The following SUSD4 variants were observed in gnomAD, a reference collection of about 807,000 sequenced individuals.
SUSD4 encodes the protein sushi domain containing 4, also known as sushi domain-containing protein 4.
A neutral mutation model predicts 50.5 loss-of-function variants in SUSD4; 41 were observed. The ratio of observed to expected loss-of-function variants is 0.81; its 90% CI spans 0.63 to 1.05. SUSD4 has a LOEUF of 1.05. Ranked by LOEUF, SUSD4 falls within the 50% of genes least tolerant of loss-of-function variation. The pLI is 0.00. For missense variants in SUSD4, 580 were observed against 634.7 expected (o/e 0.91, Z 0.93); for synonymous variants, 257 against 257.3 (o/e 1.00, Z 0.01).
At chr1:223,253,434 G>C (rs1014407852) in intron 5 of SUSD4, among the ~76,000 whole-genome samples, 1 of 152,034 alleles carries the variant, frequency 6.6e-6, no homozygotes, top group African/African-American at 2.4e-5. Context: ...GGAATAGAAA[G>C]GTATGACTAT....
In SUSD4 at chr1:223,221,383, AT is replaced by A. The variant is rs561688628; in HGVS notation, c.*808del. ...AAACATTACCTTGGTTACTGTCTCC[AT>A]CATGAGATGTATTTGAACACATTCT... On this transcript the variant is annotated 3_prime_UTR_variant, in exon 9 of 9. Coordinates refer to ENST00000366878, the MANE Select transcript of SUSD4 (RefSeq NM_017982.4). 52 of 314,300 alleles carry A rather than the reference AT, an allele frequency of 1.7e-4. 1 individual carries two copies. The South Asian group carries it at 3.8e-3, about 23-fold the overall frequency. The allele number at this position is 314,300 out of a possible 1,614,324, so 19.5% of individuals were successfully genotyped here.
intron 7 of SUSD4, among the ~76,000 whole-genome samples, chr1:223,225,378 CT>C (rs1659448644): frequency 6.6e-6 from 1 of 152,122 alleles, no homozygotes; most frequent in Non-Finnish European, 1.5e-5. Flanking sequence ...AGTCCACTGA[CT>C]TTTTGAAACA....
intron 2 of SUSD4, among the ~76,000 whole-genome samples, chr1:223,314,683 T>C (rs190281773): frequency 1.3e-5 from 2 of 152,270 alleles, no homozygotes; most frequent in East Asian, 3.9e-4. Context: ...CGAGATCTGA[T>C]GGTTTATAAG....
chr1:223,313,535 C>G (rs1666003300), intron 2 of SUSD4, among the ~76,000 whole-genome samples: 1 of 151,968 alleles, frequency 6.6e-6, no homozygotes, highest in South Asian at 2.1e-4. Context: ...ATTATGAAAC[C>G]TGAGGGGGTA....
chr1:223,255,644 T>C (rs936119301), intron 5 of SUSD4, among the ~76,000 whole-genome samples: 1 of 152,082 alleles, frequency 6.6e-6, no homozygotes, highest in Admixed American at 6.5e-5. Context: ...TTACCTAACC[T>C]TGTATTAGCT....
At chr1:223,284,476 C>G (rs1185389003) in intron 3 of SUSD4, among the ~76,000 whole-genome samples, 1 of 152,316 alleles carries the variant, frequency 6.6e-6, no homozygotes, top group Non-Finnish European at 1.5e-5. Context: ...GCTTCACTTT[C>G]TCATCTGTAA....
chr1:223,292,344 A>G, intron 3 of SUSD4, 95 bp downstream of exon 3: 2 of 1,347,692 alleles, frequency 1.5e-6, no homozygotes, highest in Non-Finnish European at 2.1e-6. Flanking sequence ...CAGAGAGAAG[A>G]GCCCAGGGTA....
Position 223,227,603 on chromosome 1 carries a change from A to T in SUSD4, c.1052T>A (p.Phe351Tyr), listed in dbSNP as rs1218596870. Residue 351 changes from phenylalanine (F) to tyrosine (Y), a missense_variant, in exon 7 of 9, where the codon TTT becomes TAT. By Grantham distance (22) the Phe-to-Tyr change is conservative (BLOSUM62 3). Transcript: ENST00000366878. This position sits in a 1 kb window ranked among gnomAD's most constrained non-coding sequence, Gnocchi z 4.5. ...AAGACATGACACTGACCTGGGGGGAAAGTGGGCCTTGAACTTGGTCTGGAA... is the reference window on the plus strand; with the variant it reads ...AAGACATGACACTGACCTGGGGGGATAGTGGGCCTTGAACTTGGTCTGGAA... ...RMFQTKFKAH[F>Y]PPRGPPRSSS... 6.2e-7 allele frequency: 1 copy of T among 1,613,742 alleles called. No homozygotes were observed. The highest frequency in any genetic ancestry group is 1.3e-5 in the African/African-American group (1 of 75,024).
In SUSD4 at chr1:223,340,080, G is replaced by A. The variant is rs10494038; in HGVS notation, c.148+23198C>T. On this transcript the variant is annotated intron_variant, in intron 2 of 8. Coordinates refer to ENST00000366878, the MANE Select transcript of SUSD4 (RefSeq NM_017982.4). ...AGCCCTGGAAGCAGCTGCTCCAATC[G>A]CATTCCCTGACAAAGACCACACGCA... Among the ~76,000 whole-genome samples, 1,105 of 152,280 alleles carry A rather than the reference G, an allele frequency of 7.3e-3. 35 individuals are homozygous for A. The East Asian group carries it at 0.11, about 15-fold the overall frequency.
At chr1:223,264,242 G>A (rs1051804445) in intron 5 of SUSD4, 4 of 985,288 alleles carry the variant, frequency 4.1e-6, no homozygotes, top group South Asian at 4.7e-5. Flanking sequence ...AAAGTGCATG[G>A]AAATATGGAG....
chr1:223,226,040 A>T (rs1659496692), intron 7 of SUSD4, among the ~76,000 whole-genome samples: 1 of 152,242 alleles, frequency 6.6e-6, no homozygotes, highest in South Asian at 2.1e-4. Flanking sequence ...AGAACATTTT[A>T]AAAACATCTT....
rs775007890 is a variant in SUSD4, at chr1:223,223,364, C to A, written c.1329G>T (p.Leu443=). The change falls in exon 8 of 9, where the codon CTG becomes CTT. Residue 443 remains leucine (L), a synonymous_variant. Coordinates refer to ENST00000366878, the MANE Select transcript of SUSD4 (RefSeq NM_017982.4). ...VSGSSELLQS[L]YSPPRCQEST... ...TCTCTTGGCACCTGGGAGGTGAATA[C>A]AGACTTTGGAGCAGCTCAGAAGAGC... 1 of 1,613,538 alleles carries A rather than the reference C, an allele frequency of 6.2e-7. No homozygotes were observed.
intron 2 of SUSD4, among the ~76,000 whole-genome samples, chr1:223,338,187 C>T (rs948355651): frequency 6.6e-6 from 1 of 152,292 alleles, no homozygotes; most frequent in East Asian, 1.9e-4. Context: ...AATTAACCAT[C>T]GCTTCATAAA....
chr1:223,364,562 G>T (rs1380000091), upstream of SUSD4, among the ~76,000 whole-genome samples: 3 of 150,368 alleles, frequency 2.0e-5, no homozygotes, highest in Non-Finnish European at 4.5e-5. The surrounding 1 kb of genome is among the most constrained non-coding windows in gnomAD (Gnocchi z 4.5). Context: ...TCTTGCACAC[G>T]CACGCAGCTC....
chr1:223,303,612 G>T (rs1164519259), intron 2 of SUSD4, among the ~76,000 whole-genome samples: 1 of 152,160 alleles, frequency 6.6e-6, no homozygotes, highest in Non-Finnish European at 1.5e-5. Flanking sequence ...GGATCGGCAG[G>T]TCGAGAAATA....
rs527872518 is a variant in SUSD4, at chr1:223,235,749, A to G, written c.725-6361T>C. Among the ~76,000 whole-genome samples, 3 of 152,240 alleles carry G rather than the reference A, an allele frequency of 2.0e-5. No individual in the cohort carries two copies. The East Asian group carries it at 5.8e-4, about 29-fold the overall frequency. On this transcript the variant is annotated intron_variant, in intron 5 of 8. Transcript: ENST00000366878. Reference sequence around the variant, plus strand: ...CCATTGTCTGGATGTACCATAGTTTATTTATCCATTCACCTACTGAAGGAC... The same window carrying G: ...CCATTGTCTGGATGTACCATAGTTTGTTTATCCATTCACCTACTGAAGGAC...
intron 2 of SUSD4, among the ~76,000 whole-genome samples, chr1:223,338,684 C>G (rs776687460): frequency 6.6e-6 from 1 of 152,122 alleles, no homozygotes; most frequent in African/African-American, 2.4e-5. Context: ...TGCACTTATG[C>G]GAGGAAACTG....
chr1:223,294,920 T>A (rs1558224501), intron 2 of SUSD4, among the ~76,000 whole-genome samples: 1 of 152,342 alleles, frequency 6.6e-6, no homozygotes, highest in East Asian at 1.9e-4. Flanking sequence ...AAATGATGAA[T>A]GTCAACCATT....
intron 2 of SUSD4, among the ~76,000 whole-genome samples, chr1:223,350,442 A>C (rs1385469654): frequency 6.6e-6 from 1 of 152,198 alleles, no homozygotes; most frequent in African/African-American, 2.4e-5. Context: ...ACTGTCAGTG[A>C]AAAACTCAAT....
Sources: gnomAD v4.1 joint callset for allele counts (sites outside exome capture counted in the v4.1 genomes callset) on GRCh38, gnomAD v4.1.1 for gene constraint, Gnocchi (gnomAD v3.1) non-coding constraint, MANE v1.5 for transcripts, NCBI Gene and HGNC (gene_info 2026-07-23, HGNC 2026-07-21) for gene names.